The following PCP4 variants were observed in gnomAD, a reference collection of about 807,000 sequenced individuals.
PCP4 encodes Purkinje cell protein 4, also known as calmodulin regulator protein PCP4.
In PCP4, 8 loss-of-function variants were observed where a neutral mutation model predicts 10.0. The observed-to-expected ratio is 0.80, with a 90% CI of 0.47 to 1.45. The LOEUF is 1.45. PCP4 is among the 40% of genes most tolerant of loss of function. The pLI is 0.00. For synonymous variants in PCP4, 21 were observed against 23.0 expected, an observed-to-expected ratio of 0.91 and a Z score of 0.24; for missense variants, 54 against 74.4, an observed-to-expected ratio of 0.73 and a Z score of 1.01.
intron 1 of PCP4, among the ~76,000 whole-genome samples, chr21:39,880,739 T>C (rs150510200): frequency 3.6e-4 from 55 of 152,352 alleles, no homozygotes; most frequent in African/African-American, 1.3e-3. Context: ...AACATTTTTG[T>C]ATGCTGGGCT....
At chr21:39,902,127 C>T (rs2087484803) in intron 2 of PCP4, among the ~76,000 whole-genome samples, 1 of 151,858 alleles carries the variant, frequency 6.6e-6, no homozygotes, top group Non-Finnish European at 1.5e-5. Context: ...CTATTAATAT[C>T]AAATGAAGCT....
chr21:39,898,045 C>CAAAAAAAAAAAAAAAAAAAAAAAA (rs780273912), intron 1 of PCP4, among the ~76,000 whole-genome samples: 1 of 74,054 alleles, frequency 1.4e-5, no homozygotes, highest in Non-Finnish European at 2.6e-5. Flanking sequence ...GACTCAGTCT[C>CAAAAAAAAAAAAAAAAAAAAAAAA]AAAAAAAAAA....
chr21:39,907,313 G>T (rs562052053), intron 2 of PCP4, among the ~76,000 whole-genome samples: 2 of 151,978 alleles, frequency 1.3e-5, no homozygotes, highest in South Asian at 2.1e-4. Flanking sequence ...TTCGGACCCC[G>T]GGCAGAAGTC....
intron 2 of PCP4, among the ~76,000 whole-genome samples, chr21:39,920,154 T>TTGATGTG (rs993469834): frequency 2.1e-5 from 3 of 140,336 alleles, no homozygotes; most frequent in Non-Finnish European, 1.5e-5. Flanking sequence ...TGTAGTGTGT[T>TTGATGTG]TGATGTGTGA....
At chr21:39,927,091 TC>T (rs2087625152) in intron 2 of PCP4, among the ~76,000 whole-genome samples, 1 of 152,092 alleles carries the variant, frequency 6.6e-6, no homozygotes, top group Non-Finnish European at 1.5e-5. Flanking sequence ...GAGCTGACAT[TC>T]CCTCCTCCTA....
rs182633769 is a variant in PCP4 at position 39,886,311 on chromosome 21, G to A, written c.10-12165G>A. The stretch of plus-strand genomic sequence containing the variant: ...GGAAACTGACAGCAACACAAAAGTC[G>A]TCACCATGAGTCTTTGTTGAGCCAA... On this transcript the variant is annotated intron_variant, in intron 1 of 2. Coordinates refer to ENST00000328619, the MANE Select transcript of PCP4 (RefSeq NM_006198.3). 1.7e-4 allele frequency among the ~76,000 whole-genome samples: 26 copies of A among 152,230 alleles called. 1 individual carries two copies. Among genetic ancestry groups the A allele is most frequent in the Non-Finnish European group, 3.4e-4 (23 of 68,014 alleles).
At chr21:39,870,787 T>A (rs549594527) in intron 1 of PCP4, among the ~76,000 whole-genome samples, 1 of 152,310 alleles carries the variant, frequency 6.6e-6, no homozygotes, top group Non-Finnish European at 1.5e-5. Flanking sequence ...TAATTGGACT[T>A]GAGACCCCTT....
At chr21:39,885,336 G>A (rs916472037) in intron 1 of PCP4, among the ~76,000 whole-genome samples, 3 of 152,156 alleles carry the variant, frequency 2.0e-5, no homozygotes, top group Non-Finnish European at 2.9e-5. Context: ...AAGAAGCAAC[G>A]AGCCTGAGGC....
At chr21:39,876,001 C>T (rs2087343935) in intron 1 of PCP4, among the ~76,000 whole-genome samples, 1 of 151,824 alleles carries the variant, frequency 6.6e-6, no homozygotes, top group South Asian at 2.1e-4. Context: ...GTTAGTGCTT[C>T]TATCGTTTCC....
Position 39,870,496 on chromosome 21 carries a change from A to G in PCP4, c.9+2986A>G, listed in dbSNP as rs182005441. Among the ~76,000 whole-genome samples the G allele has an allele frequency of 2.1e-3, 316 of 152,290 alleles. 2 individuals carry two copies. Among genetic ancestry groups the G allele is most frequent in the Admixed American group, 0.017 (263 of 15,296 alleles). ...TTACAAGGTGCATTCTTTCTCCCTCATCGTACTCACCCAGGCACAAGAAAA... is the reference window on the plus strand; with the variant it reads ...TTACAAGGTGCATTCTTTCTCCCTCGTCGTACTCACCCAGGCACAAGAAAA... On this transcript the variant is annotated intron_variant, in intron 1 of 2. Coordinates refer to ENST00000328619, the MANE Select transcript of PCP4 (RefSeq NM_006198.3).
At chr21:39,910,901 C>G (rs57052928) in intron 2 of PCP4, among the ~76,000 whole-genome samples, 2,153 of 152,308 alleles carry the variant, frequency 0.014, 46 homozygotes, top group African/African-American at 0.049. Flanking sequence ...TGTTCTGTCC[C>G]TGCCATTCTA....
chr21:39,870,734 C>T (rs139979108), intron 1 of PCP4, among the ~76,000 whole-genome samples: 1,543 of 152,212 alleles, frequency 0.01, 22 homozygotes, highest in African/African-American at 0.035. Context: ...GTTTAGGGTG[C>T]GGGTTGGAGA....
chr21:39,929,384 A>G lies in PCP4; in HGVS notation c.*273A>G, dbSNP rs543920247. ...GATGTTGTAATAAAATGAAGTTACG[A>G]TGAGTGAATTCAAGTGACTGCCTTT... On this transcript the variant is annotated 3_prime_UTR_variant, in exon 3 of 3. Transcript: ENST00000328619. 1.8e-4 allele frequency: 49 copies of G among 273,392 alleles called. No homozygotes were observed. Among genetic ancestry groups the G allele is most frequent in the Non-Finnish European group, 2.1e-4 (31 of 147,008 alleles). 16.9% of individuals were successfully genotyped at this position (273,392 alleles called of 1,614,324 possible). A position where few individuals can be genotyped will look rare whatever the true frequency, so the allele number is the denominator to read the frequency against.
chr21:39,872,855 T>C (rs1046295136), intron 1 of PCP4, among the ~76,000 whole-genome samples: 3 of 152,236 alleles, frequency 2.0e-5, no homozygotes, highest in South Asian at 4.1e-4. Flanking sequence ...TTTTGTTCTT[T>C]ACTCCTGGTT....
chr21:39,914,865 C>G (rs556452206), intron 2 of PCP4, among the ~76,000 whole-genome samples: 1 of 152,170 alleles, frequency 6.6e-6, no homozygotes, highest in South Asian at 2.1e-4. Flanking sequence ...CATGTGAGTC[C>G]TAGAAGGTGG....
chr21:39,905,698 G>A (rs943522571), intron 2 of PCP4, among the ~76,000 whole-genome samples: 6 of 152,200 alleles, frequency 3.9e-5, no homozygotes, highest in Non-Finnish European at 5.9e-5. Context: ...GTGGACAGAA[G>A]CGGAGATTCC....
At chr21:39,900,942 A>G (rs2087479906) in intron 2 of PCP4, among the ~76,000 whole-genome samples, 1 of 152,214 alleles carries the variant, frequency 6.6e-6, no homozygotes, top group Non-Finnish European at 1.5e-5. Context: ...ATTAAAAATA[A>G]AATAATAAAC....
At chr21:39,897,886 A>T (rs2146337234) in intron 1 of PCP4, among the ~76,000 whole-genome samples, 1 of 152,086 alleles carries the variant, frequency 6.6e-6, no homozygotes, top group East Asian at 1.9e-4. Context: ...CTCTACTAAA[A>T]ATACAAAAAA....
rs1189437227 is a variant in PCP4, at chr21:39,907,827, T to C, written c.61+9300T>C. On this transcript the variant is annotated intron_variant, in intron 2 of 2. Coordinates refer to ENST00000328619, the MANE Select transcript of PCP4 (RefSeq NM_006198.3). ...AAAAAAAGTGCCTTCTAATCACTTC[T>C]ACCCGTTGGACTTTCCCAGCCAAAA... Among the ~76,000 whole-genome samples, 11 of 152,174 alleles carry C rather than the reference T, an allele frequency of 7.2e-5. 1 individual carries two copies. The highest frequency in any genetic ancestry group is 2.4e-4 in the African/African-American group (10 of 41,526).
Sources: gnomAD v4.1 joint callset for allele counts (sites outside exome capture counted in the v4.1 genomes callset) on GRCh38, gnomAD v4.1.1 for gene constraint, MANE v1.5 for transcripts, NCBI Gene and HGNC (gene_info 2026-07-23, HGNC 2026-07-21) for gene names.